The following SESTD1 variants were observed in gnomAD, a reference collection of about 807,000 sequenced individuals.
SESTD1 encodes the protein SEC14 domain and spectrin repeat-containing protein 1.
A neutral mutation model predicts 101.7 loss-of-function variants in SESTD1; 43 were observed. The ratio of observed to expected loss-of-function variants is 0.42; its 90% CI spans 0.33 to 0.55. SESTD1 has a LOEUF of 0.55. Among genes scored for constraint, SESTD1 ranks in the 20% least tolerant of loss-of-function variants. The probability of loss-of-function intolerance (pLI) is 0.07; values close to 1 mark genes in which losing one functional copy is unlikely to be tolerated. For missense variants in SESTD1, 647 were observed against 815.1 expected (o/e 0.79, Z 2.51); for synonymous variants, 283 against 286.8 (o/e 0.99, Z 0.13).
Position 179,112,830 on chromosome 2 carries a change from G to A in SESTD1, c.1855C>T (p.Pro619Ser). 2 of 1,611,040 alleles carry A rather than the reference G, an allele frequency of 1.2e-6. No homozygotes were observed. The highest frequency in any genetic ancestry group is 1.7e-6 in the Non-Finnish European group (2 of 1,179,710). The change falls in exon 17 of 18, where the codon CCA becomes TCA. Residue 619 changes from proline (P) to serine (S), a missense_variant. Physicochemically the swap from Pro to Ser is moderately conservative, Grantham distance 74. This residue lies in a region of SESTD1 where 476 missense variants were observed against 562.6 expected (regional missense o/e 0.85). Transcript: ENST00000428443. Reference protein sequence around the residue: ...SNAEKILQDCPEEPEAINDEE... With the variant: ...SNAEKILQDCSEEPEAINDEE... Reference sequence around the variant, plus strand: ...TCATTAATAGCTTCAGGCTCTTCTGGACAGTCCTGCAAAATCTGCAACAAA... The same window carrying A: ...TCATTAATAGCTTCAGGCTCTTCTGAACAGTCCTGCAAAATCTGCAACAAA...
intron 1 of SESTD1, among the ~76,000 whole-genome samples, chr2:179,229,271 T>C (rs1405773422): frequency 6.6e-6 from 1 of 152,166 alleles, no homozygotes; most frequent in Non-Finnish European, 1.5e-5. Context: ...GTGAGCATCA[T>C]TCAACTTGTT....
chr2:179,244,909 G>C (rs996941928), intron 1 of SESTD1, among the ~76,000 whole-genome samples: 1 of 152,130 alleles, frequency 6.6e-6, no homozygotes, highest in Non-Finnish European at 1.5e-5. Context: ...CCATAAAGGA[G>C]GTAAGACTTC....
At chr2:179,218,578 A>G (rs2046758765) in intron 1 of SESTD1, among the ~76,000 whole-genome samples, 2 of 152,144 alleles carry the variant, frequency 1.3e-5, no homozygotes, top group African/African-American at 4.8e-5. Context: ...AAAAACTAAT[A>G]TCATTTCTAG....
At chr2:179,137,427 T>G (rs937069148) in intron 9 of SESTD1, among the ~76,000 whole-genome samples, 1 of 152,228 alleles carries the variant, frequency 6.6e-6, no homozygotes, top group Non-Finnish European at 1.5e-5. Context: ...TCCAGCTGTA[T>G]GCTTATGCAA....
At chr2:179,168,437 T>C (rs1036984553) in intron 5 of SESTD1, among the ~76,000 whole-genome samples, 5 of 152,116 alleles carry the variant, frequency 3.3e-5, no homozygotes, top group African/African-American at 9.7e-5. Context: ...AAAAGTAAGT[T>C]AGACACAAAT....
At chr2:179,181,442 AGTCTC>A (rs2046107590) in intron 3 of SESTD1, among the ~76,000 whole-genome samples, 3 of 152,314 alleles carry the variant, frequency 2.0e-5, no homozygotes, top group South Asian at 4.1e-4. Flanking sequence ...AAGATAATAC[AGTCTC>A]TGATCCACCC....
chr2:179,110,138 A>G (rs2044476203), intron 17 of SESTD1, 110 bp from the exon 18 acceptor site: 3 of 1,025,692 alleles, frequency 2.9e-6, no homozygotes, highest in Non-Finnish European at 4.3e-6. Context: ...GAGATAGCCT[A>G]TGTGTAAATA....
At position 179,104,344 on chromosome 2, in the gene SESTD1, A is replaced by G. The variant is rs2044335062; in HGVS notation, c.*5555T>C. On this transcript the variant is annotated 3_prime_UTR_variant, in exon 18 of 18. Transcript: ENST00000428443. ...TATATTCTGAGCAAATCTGTTGGCC[A>G]TAAAGATAACATAAGAGTTAAGATG... 2 of 152,212 alleles carry G rather than the reference A, an allele frequency of 1.3e-5. No individual in the cohort carries two copies. The allele number at this position is 152,212 out of a possible 1,614,324, so 9.4% of individuals were successfully genotyped here.
At chr2:179,198,108 G>T (rs1205387024) in intron 1 of SESTD1, among the ~76,000 whole-genome samples, 1 of 152,068 alleles carries the variant, frequency 6.6e-6, no homozygotes, top group Non-Finnish European at 1.5e-5. Context: ...TAAAAGGATG[G>T]AGGAAGATCT....
At chr2:179,121,295 TA>T (rs144600026) in intron 13 of SESTD1, among the ~76,000 whole-genome samples, 1,705 of 152,334 alleles carry the variant, frequency 0.011, 26 homozygotes, top group African/African-American at 0.036. Context: ...TTCCTAGTTT[TA>T]TAGAAAATGA....
intron 13 of SESTD1, among the ~76,000 whole-genome samples, chr2:179,119,955 G>A (rs1363261908): frequency 2.6e-5 from 4 of 152,142 alleles, no homozygotes; most frequent in African/African-American, 9.7e-5. Context: ...TCTCGGCCGG[G>A]TGCGGTGGCT....
chr2:179,141,506 AT>A (rs377655746), intron 9 of SESTD1, among the ~76,000 whole-genome samples: 14,405 of 146,054 alleles, frequency 0.099, 693 homozygotes, highest in Middle Eastern at 0.18. Flanking sequence ...TATTGTAGAC[AT>A]TTTTTTTTTT....
At position 179,108,241 on chromosome 2, in the gene SESTD1, G is replaced by T. The variant is rs1019046443; in HGVS notation, c.*1658C>A. On this transcript the variant is annotated 3_prime_UTR_variant, in exon 18 of 18. Coordinates refer to ENST00000428443, the MANE Select transcript of SESTD1 (RefSeq NM_178123.5). ...AGCATTCTGAGGACAGGATCTGAGAGAGCACATGTTCAGCAGGCACATCTT... is the reference window on the plus strand; with the variant it reads ...AGCATTCTGAGGACAGGATCTGAGATAGCACATGTTCAGCAGGCACATCTT... 6.6e-6 allele frequency: 1 copy of T among 152,130 alleles called. No individual in the cohort carries two copies. The highest frequency in any genetic ancestry group is 2.4e-5 in the African/African-American group (1 of 41,424). The allele number at this position is 152,130 out of a possible 1,614,324, so 9.4% of individuals were successfully genotyped here. A position where few individuals can be genotyped will look rare whatever the true frequency, so the allele number is the denominator to read the frequency against.
At chr2:179,213,795 T>C (rs2046682428) in intron 1 of SESTD1, among the ~76,000 whole-genome samples, 2 of 135,262 alleles carry the variant, frequency 1.5e-5, no homozygotes, top group South Asian at 5.6e-4. Flanking sequence ...GCAGAAACCC[T>C]ACAAGCCAGA....
At chr2:179,167,875 G>C (rs2045862839) in intron 5 of SESTD1, among the ~76,000 whole-genome samples, 1 of 152,074 alleles carries the variant, frequency 6.6e-6, no homozygotes, top group South Asian at 2.1e-4. Flanking sequence ...CAATTCTCCT[G>C]TCTCAGCCTC....
chr2:179,159,522 CTG>C (rs2045693668), intron 5 of SESTD1, among the ~76,000 whole-genome samples: 1 of 152,150 alleles, frequency 6.6e-6, no homozygotes, highest in African/African-American at 2.4e-5. Context: ...AAAAGGAAAA[CTG>C]TGTAGAGATT....
chr2:179,104,077 A>T lies in SESTD1; in HGVS notation c.*5822T>A, dbSNP rs2044329138. On this transcript the variant is annotated 3_prime_UTR_variant, in exon 18 of 18. Transcript: ENST00000428443. ...ATTTTCATAACAAGATGTTGGGTAAAAATACAGGGTGCAATGTTTACCAAA... is the reference window on the plus strand; with the variant it reads ...ATTTTCATAACAAGATGTTGGGTAATAATACAGGGTGCAATGTTTACCAAA... 6.6e-6 allele frequency: 1 copy of T among 152,124 alleles called. No homozygotes were observed. The highest frequency in any genetic ancestry group is 2.4e-5 in the African/African-American group (1 of 41,422). The allele number at this position is 152,124 out of a possible 1,614,324, so 9.4% of individuals were successfully genotyped here.
intron 1 of SESTD1, among the ~76,000 whole-genome samples, chr2:179,200,083 G>A (rs572531380): frequency 1.1e-4 from 16 of 152,112 alleles, no homozygotes; most frequent in African/African-American, 1.9e-4. Flanking sequence ...AAAGTCTCAC[G>A]ATACAAAATG....
chr2:179,176,362 C>T, intron 4 of SESTD1, 86 bp downstream of exon 4: 1 of 979,526 alleles, frequency 1.0e-6, no homozygotes, highest in South Asian at 1.4e-5. Context: ...AGGCACAGTC[C>T]AATAAATTAA....
Sources: allele counts gnomAD v4.1 joint callset (sites outside exome capture counted in the v4.1 genomes callset), GRCh38; gene constraint gnomAD v4.1.1; regional missense constraint gnomAD v4.1.1; transcripts MANE v1.5; gene names NCBI Gene and HGNC (gene_info 2026-07-23, HGNC 2026-07-21).